The following AP4B1 variants were observed in gnomAD, a reference collection of about 807,000 sequenced individuals.
AP4B1 encodes AP-4 complex subunit beta-1.
Under a neutral mutation model 76.5 loss-of-function variants are expected in AP4B1, and 49 were observed. The observed-to-expected ratio is 0.64, with a 90% confidence interval of 0.51 to 0.81. AP4B1 has a LOEUF of 0.81. Ranked by LOEUF, AP4B1 falls within the 40% of genes least tolerant of loss-of-function variation. The pLI, the probability that AP4B1 is intolerant of heterozygous loss-of-function variation, is 0.00. For synonymous variants in AP4B1, 330 were observed against 333.3 expected, an observed-to-expected ratio of 0.99 and a Z score of 0.11; for missense variants, 911 against 904.9, an observed-to-expected ratio of 1.01 and a Z score of -0.09.
At chr1:113,899,832 A>G (rs1667984822) in intron 5 of AP4B1, 72 bp downstream of exon 5, 1 of 1,612,030 alleles carries the variant, frequency 6.2e-7, no homozygotes, top group African/African-American at 1.3e-5. Context: ...TTTGCTCTCT[A>G]TGGTTCCTCT....
chr1:113,900,829 C>A, intron 4 of AP4B1: 1 of 277,982 alleles, frequency 3.6e-6, no homozygotes, highest in Non-Finnish European at 7.0e-6. Context: ...GTTAACTGGC[C>A]GGGCGCAGTG....
chr1:113,901,338 T>C lies in AP4B1; in HGVS notation c.515A>G (p.Asp172Gly), dbSNP rs566041642. The C allele has an allele frequency of 6.2e-7, 1 of 1,613,990 alleles. No homozygotes were observed. Among genetic ancestry groups the C allele is most frequent in the East Asian group, 2.2e-5 (1 of 44,886 alleles). ...CAAGCAGTTCACAACTACAATTGGA[T>C]CCTGGTCACGCAGCAAACTGTATAA... is the stretch of plus-strand genomic sequence containing the variant. ...NELYSLLRDQ[D>G]PIVVVNCLRS... Residue 172 changes from aspartate (D) to glycine (G), a missense_variant, in exon 4 of 10, where the codon GAT (aspartate) becomes GGT (glycine). Physicochemically the swap from Asp to Gly is moderately conservative, Grantham distance 94 (BLOSUM62 -1). Coordinates refer to ENST00000369569, the MANE Select transcript of AP4B1 (RefSeq NM_001253852.3).
Position 113,901,762 on chromosome 1 carries a change from A to T in AP4B1, c.462T>A (p.Ser154=). The change falls in exon 3 of 10, where the codon TCT becomes TCA. Residue 154 remains serine (S), a synonymous_variant. Transcript: ENST00000369569. ...CAKMHNLHGD[S]EVDGALVNEL... ...GGATTACACTGAACTTACCTACTTCAGAGTCTCCATGAAGATTATGCATCT... is the reference window on the plus strand; with the variant it reads ...GGATTACACTGAACTTACCTACTTCTGAGTCTCCATGAAGATTATGCATCT... The T allele has an allele frequency of 6.2e-7, 1 of 1,614,202 alleles. No homozygotes were observed. The highest frequency in any genetic ancestry group is 1.1e-5 in the South Asian group (1 of 91,076).
At chr1:113,898,487 A>G (rs1667771243) in intron 6 of AP4B1, among the ~76,000 whole-genome samples, 1 of 152,240 alleles carries the variant, frequency 6.6e-6, no homozygotes, top group South Asian at 2.1e-4. Flanking sequence ...AAGCAAGGTC[A>G]TCCTAGTAGC....
chr1:113,897,880 T>A lies in AP4B1; in HGVS notation c.1262A>T (p.Gln421Leu). 1.2e-6 allele frequency: 2 copies of A among 1,614,142 alleles called. No homozygotes were observed. The highest frequency in any genetic ancestry group is 1.7e-6 in the Non-Finnish European group (2 of 1,180,032). Residue 421 changes from glutamine to leucine, a missense_variant, in exon 7 of 10, where the codon CAG becomes CTG. Physicochemically the swap from Gln to Leu is moderately radical, Grantham distance 113. Coordinates refer to ENST00000369569, the MANE Select transcript of AP4B1 (RefSeq NM_001253852.3). ...GTTCTCTTCACAGCCGGGCAGGGCCTGACATACAGCTTCAGTACACTGAGG... is the reference window on the plus strand; with the variant it reads ...GTTCTCTTCACAGCCGGGCAGGGCCAGACATACAGCTTCAGTACACTGAGG... The part of the protein sequence containing the change: ...LCPQCTEAVC[Q>L]ALPGCEENIQ...
intron 4 of AP4B1, 180 bp from the exon 5 acceptor site, chr1:113,900,580 A>G (rs1045394876): frequency 1.8e-5 from 13 of 729,858 alleles, no homozygotes; most frequent in Admixed American, 3.0e-5. Flanking sequence ...AAAGGCTTAA[A>G]ATTCCAAGAT....
rs535937405 is a variant in AP4B1 at position 113,901,458 on chromosome 1, T to G, written c.470-75A>C. On this transcript the variant is annotated intron_variant, in intron 3 of 9. Coordinates refer to ENST00000369569, the MANE Select transcript of AP4B1 (RefSeq NM_001253852.3). ...ACAAGGATGTAGCCAGAGTAATAGCTCCAGGTAGACAAAGTTGAACTTCTC... is the reference window on the plus strand; with the variant it reads ...ACAAGGATGTAGCCAGAGTAATAGCGCCAGGTAGACAAAGTTGAACTTCTC... 4,811 of 1,517,170 alleles carry G rather than the reference T, an allele frequency of 3.2e-3. 11 individuals are homozygous for G. Among genetic ancestry groups the G allele is most frequent in the Admixed American group, 6.5e-3 (368 of 56,670 alleles). 94.0% of individuals were successfully genotyped at this position (1,517,170 alleles called of 1,614,324 possible).
upstream of AP4B1, chr1:113,904,831 G>A (rs1668771530): frequency 1.0e-6 from 1 of 958,068 alleles, no homozygotes; most frequent in East Asian, 2.5e-5. Context: ...AAATACAAAA[G>A]GCGAGATCTC....
Position 113,900,973 on chromosome 1 carries a change from G to A in AP4B1, c.617+263C>T, listed in dbSNP as rs1668172104. 2 of 436,950 alleles carry A rather than the reference G, an allele frequency of 4.6e-6. 1 individual carries two copies. The highest frequency in any genetic ancestry group is 7.1e-5 in the Admixed American group (2 of 28,180). 27.1% of individuals were successfully genotyped at this position (436,950 alleles called of 1,614,324 possible). A position where few individuals can be genotyped will look rare whatever the true frequency, so the allele number is the denominator to read the frequency against. ...AAATACAAAATTAGCCGGGCATGGT[G>A]GCGCATGCCTATAATCCCAGCTACT... is the stretch of plus-strand genomic sequence containing the variant. On this transcript the variant is annotated intron_variant, in intron 4 of 9. Coordinates refer to ENST00000369569, the MANE Select transcript of AP4B1 (RefSeq NM_001253852.3).
chr1:113,901,865 T>C lies in AP4B1; in HGVS notation c.359A>G (p.Tyr120Cys), dbSNP rs780614591. The change falls in exon 3 of 10, where the codon TAT becomes TGT. Residue 120 changes from tyrosine to cysteine, a missense_variant. By Grantham distance (194) the Tyr-to-Cys change is radical. Transcript: ENST00000369569. ...CSLRMPGVQEYIQQPILNGLR... is the reference protein window; with the variant it reads ...CSLRMPGVQECIQQPILNGLR... ...ACCATTGAGAATAGGCTGTTGTATA[T>C]ACTCCTGCACACCAGGCATCCTAAG... 1.2e-6 allele frequency: 2 copies of C among 1,614,122 alleles called. No individual in the cohort carries two copies. Among genetic ancestry groups the C allele is most frequent in the Non-Finnish European group, 1.7e-6 (2 of 1,180,020 alleles).
chr1:113,896,591 T>C (rs1667502702), intron 7 of AP4B1, 126 bp from the exon 8 acceptor site: 6 of 828,532 alleles, frequency 7.2e-6, no homozygotes, highest in Non-Finnish European at 1.2e-5. Flanking sequence ...TTTAGTTTAC[T>C]TCATTTAATT....
chr1:113,898,405 C>A (rs942945050), intron 6 of AP4B1, among the ~76,000 whole-genome samples: 15 of 152,160 alleles, frequency 9.9e-5, no homozygotes, highest in Admixed American at 8.5e-4. Flanking sequence ...TTACCCTTGT[C>A]CCAACCCTGG....
In AP4B1 at chr1:113,895,264, G is replaced by C. The variant is rs1480760290; in HGVS notation, c.2021C>G (p.Ala674Gly). 6.2e-7 allele frequency: 1 copy of C among 1,614,196 alleles called. No homozygotes were observed. The highest frequency in any genetic ancestry group is 2.2e-5 in the East Asian group (1 of 44,890). ...GTATGCTTTCCATGGCCGAGACCCAGCCCTACTCATTGCGATGGTCTGGAT... is the reference window on the plus strand; with the variant it reads ...GTATGCTTTCCATGGCCGAGACCCACCCCTACTCATTGCGATGGTCTGGAT... ...VNIQTIAMSR[A>G]GSRPWKAYLS... The change falls in exon 10 of 10, where the codon GCT becomes GGT. Residue 674 changes from alanine (A) to glycine (G), a missense_variant. Transcript: ENST00000369569.
chr1:113,902,980 C>T, intron 1 of AP4B1, 118 bp from the exon 2 acceptor site: 1 of 862,402 alleles, frequency 1.2e-6, no homozygotes, highest in Non-Finnish European at 1.9e-6. Context: ...TAGAGGGTAG[C>T]AGCCAGGATT....
At chr1:113,900,964 G>T in intron 4 of AP4B1, 3 of 412,860 alleles carry the variant, frequency 7.3e-6, no homozygotes, top group South Asian at 4.6e-5. Context: ...AAAATTAGCC[G>T]GGCATGGTGG....
Position 113,894,852 on chromosome 1 carries a change from TACA to T in AP4B1, c.*210_*212del. 3.6e-6 allele frequency: 2 copies of T among 560,142 alleles called. No homozygotes were observed. The highest frequency in any genetic ancestry group is 2.1e-5 in the South Asian group (1 of 48,708). The allele number at this position is 560,142 out of a possible 1,614,324, so 34.7% of individuals were successfully genotyped here. ...GCATCTCCTTACCAACATTAACCTC[TACA>T]ACATCATCACTGAAAAATGGGGTCA... On this transcript the variant is annotated 3_prime_UTR_variant, in exon 10 of 10. Transcript: ENST00000369569.
intron 2 of AP4B1, 87 bp from the exon 3 acceptor site, chr1:113,901,972 T>C (rs12079716): frequency 5.4e-6 from 8 of 1,487,704 alleles, no homozygotes; most frequent in Non-Finnish European, 7.5e-6. Flanking sequence ...GATGGTTTAG[T>C]AGATGCTGCA....
intron 5 of AP4B1, 163 bp downstream of exon 5, chr1:113,899,741 A>T: frequency 8.5e-7 from 1 of 1,179,572 alleles, no homozygotes; most frequent in South Asian, 1.3e-5. Context: ...AACAAAAAAA[A>T]ACTCTCTTCC....
At position 113,895,424 on chromosome 1, in the gene AP4B1, C is replaced by G; in HGVS notation, c.1861G>C (p.Val621Leu). 6.2e-7 allele frequency: 1 copy of G among 1,614,220 alleles called. No individual in the cohort carries two copies. The highest frequency in any genetic ancestry group is 8.5e-7 in the Non-Finnish European group (1 of 1,180,034). The stretch of plus-strand genomic sequence containing the variant: ...TCAGCAGTAAGCTGGCGATTGGGGA[C>G]TAGCATGAGGGCTCCAGAATCAGGG... ...ELPDSGALML[V>L]PNRQLTADYF... The change falls in exon 10 of 10, where the codon GTC (valine) becomes CTC (leucine). Residue 621 changes from valine to leucine, a missense_variant. Coordinates refer to ENST00000369569, the MANE Select transcript of AP4B1 (RefSeq NM_001253852.3).
Sources: gnomAD v4.1 joint callset for allele counts (sites outside exome capture counted in the v4.1 genomes callset) on GRCh38, gnomAD v4.1.1 for gene constraint, MANE v1.5 for transcripts, NCBI Gene and HGNC (gene_info 2026-07-23, HGNC 2026-07-21) for gene names.